Variants in B3GALT1 observed in about 807,000 individuals in gnomAD.
B3GALT1 encodes beta-1,3-galactosyltransferase 1.
A neutral mutation model predicts 23.2 loss-of-function variants in B3GALT1; 10 were observed. The ratio of observed to expected loss-of-function variants is 0.43; its 90% CI spans 0.27 to 0.73. B3GALT1 has a LOEUF of 0.73. B3GALT1 is among the 30% of genes least tolerant of loss of function. The probability of loss-of-function intolerance (pLI) is 0.21; values close to 1 mark genes in which losing one functional copy is unlikely to be tolerated. For synonymous variants in B3GALT1, 156 were observed against 141.5 expected, an observed-to-expected ratio of 1.10 and a Z score of -0.73; for missense variants, 299 against 405.4, an observed-to-expected ratio of 0.74 and a Z score of 2.25.
At position 167,416,668 on chromosome 2, in the gene B3GALT1, A is replaced by G. The variant is rs151232449; in HGVS notation, c.-510-73509A>G. The stretch of plus-strand genomic sequence containing the variant: ...GTAGCAAGCAACATCTGCCTGGGAA[A>G]GCTTTAGACACTGGATTTCTACCTG... On this transcript the variant is annotated intron_variant, in intron 1 of 4. Coordinates refer to ENST00000392690, the MANE Select transcript of B3GALT1 (RefSeq NM_020981.4). Among the ~76,000 whole-genome samples the G allele has an allele frequency of 3.5e-3, 536 of 152,286 alleles. 7 individuals are homozygous for G. The highest frequency in any genetic ancestry group is 0.012 in the African/African-American group (517 of 41,558).
intron 1 of B3GALT1, among the ~76,000 whole-genome samples, chr2:167,347,991 C>T (rs1255812536): frequency 6.6e-6 from 1 of 152,024 alleles, no homozygotes; most frequent in African/African-American, 2.4e-5. Context: ...CCTGTGTTAC[C>T]ACCCCATGTC....
intron 2 of B3GALT1, among the ~76,000 whole-genome samples, chr2:167,535,149 G>C (rs1013346201): frequency 6.6e-6 from 1 of 152,166 alleles, no homozygotes; most frequent in African/African-American, 2.4e-5. Context: ...GGTTATCTTA[G>C]AGTAAGTCAT....
At chr2:167,590,074 C>T (rs1159935848) in intron 2 of B3GALT1, among the ~76,000 whole-genome samples, 2 of 152,088 alleles carry the variant, frequency 1.3e-5, no homozygotes, top group East Asian at 1.9e-4. Flanking sequence ...GGGCCAGGCG[C>T]GGTGACTCAC....
At chr2:167,701,293 A>G (rs966114387) in intron 3 of B3GALT1, among the ~76,000 whole-genome samples, 14 of 151,648 alleles carry the variant, frequency 9.2e-5, no homozygotes, top group African/African-American at 3.4e-4. Context: ...GGGCGTGACC[A>G]CCAGATATGG....
chr2:167,848,966 T>C (rs559975086), intron 4 of B3GALT1, among the ~76,000 whole-genome samples: 1 of 152,142 alleles, frequency 6.6e-6, no homozygotes, highest in African/African-American at 2.4e-5. Context: ...AATCAAGAAC[T>C]CAACCCCTTT....
chr2:167,430,480 T>C (rs1698690372), intron 1 of B3GALT1, among the ~76,000 whole-genome samples: 1 of 151,972 alleles, frequency 6.6e-6, no homozygotes, highest in African/African-American at 2.4e-5. Flanking sequence ...TGCAGAAGAG[T>C]CAAAGGAAAT....
intron 2 of B3GALT1, among the ~76,000 whole-genome samples, chr2:167,617,507 A>G (rs1024974875): frequency 6.6e-6 from 1 of 152,080 alleles, no homozygotes; most frequent in Non-Finnish European, 1.5e-5. Context: ...TTAGGGTTCT[A>G]TTAGAAGTGA....
intron 1 of B3GALT1, among the ~76,000 whole-genome samples, chr2:167,328,839 C>T (rs937468322): frequency 2.6e-5 from 4 of 151,900 alleles, no homozygotes; most frequent in Non-Finnish European, 4.4e-5. Flanking sequence ...TTTTTAACCA[C>T]GTCTCACTTG....
At chr2:167,610,907 G>GGA in intron 2 of B3GALT1, among the ~76,000 whole-genome samples, 1 of 15,292 alleles carries the variant, frequency 6.5e-5, no homozygotes. Flanking sequence ...TGGTTTATTT[G>GGA]TACAAAAAAA....
chr2:167,441,421 C>G (rs560801930), intron 1 of B3GALT1, among the ~76,000 whole-genome samples: 1 of 152,146 alleles, frequency 6.6e-6, no homozygotes, highest in Non-Finnish European at 1.5e-5. Context: ...CTCCCAGTCT[C>G]TGCTGCCTCA....
At chr2:167,441,591 A>C (rs1698894422) in intron 1 of B3GALT1, among the ~76,000 whole-genome samples, 1 of 152,012 alleles carries the variant, frequency 6.6e-6, no homozygotes, top group African/African-American at 2.4e-5. Context: ...ATTTGATAGC[A>C]CTCTTCCTTA....
Position 167,680,219 on chromosome 2 carries a change from G to A in B3GALT1, c.-352+33253G>A, listed in dbSNP as rs147943324. The stretch of plus-strand genomic sequence containing the variant: ...AGAAAGTTAAACCTTTGCTTCAGAT[G>A]CACGGAAGAGATTTATAAATATGCA... On this transcript the variant is annotated intron_variant, in intron 3 of 4. Coordinates refer to ENST00000392690, the MANE Select transcript of B3GALT1 (RefSeq NM_020981.4). 4.4e-3 allele frequency among the ~76,000 whole-genome samples: 664 copies of A among 152,270 alleles called. 4 individuals carry two copies. Among genetic ancestry groups the A allele is most frequent in the African/African-American group, 0.015 (634 of 41,540 alleles).
intron 2 of B3GALT1, among the ~76,000 whole-genome samples, chr2:167,577,863 A>T (rs1214620252): frequency 6.6e-6 from 1 of 151,958 alleles, no homozygotes; most frequent in Non-Finnish European, 1.5e-5. Flanking sequence ...TTTACTGAAA[A>T]AAAAAGTTAA....
intron 2 of B3GALT1, among the ~76,000 whole-genome samples, chr2:167,564,679 A>C (rs998609746): frequency 6.6e-6 from 1 of 152,236 alleles, no homozygotes; most frequent in Non-Finnish European, 1.5e-5. Context: ...CGGCCAACAC[A>C]GCGAATCCAA....
At chr2:167,593,501 A>G (rs1310223041) in intron 2 of B3GALT1, among the ~76,000 whole-genome samples, 3 of 152,264 alleles carry the variant, frequency 2.0e-5, no homozygotes, top group Non-Finnish European at 4.4e-5. Context: ...CAGTGGTTAC[A>G]GGGAATGGGC....
chr2:167,693,964 G>T (rs149034597), intron 3 of B3GALT1, among the ~76,000 whole-genome samples: 1 of 152,228 alleles, frequency 6.6e-6, no homozygotes, highest in South Asian at 2.1e-4. Flanking sequence ...GTTGTCTGGG[G>T]TTCCTTATGC....
chr2:167,663,516 G>C (rs1416830402), intron 3 of B3GALT1, among the ~76,000 whole-genome samples: 8 of 152,010 alleles, frequency 5.3e-5, no homozygotes, highest in Non-Finnish European at 1.2e-4. Context: ...TCTAGTTCTA[G>C]ATCCCTGAGG....
chr2:167,307,935 A>C (rs951737084), intron 1 of B3GALT1, among the ~76,000 whole-genome samples: 2 of 150,556 alleles, frequency 1.3e-5, no homozygotes, highest in African/African-American at 2.4e-5. Flanking sequence ...TGTTGAGTCC[A>C]TGATTAGGAG....
chr2:167,721,102 C>A (rs192531736), intron 3 of B3GALT1, among the ~76,000 whole-genome samples: 5 of 152,108 alleles, frequency 3.3e-5, no homozygotes. Flanking sequence ...TCTTTCTCTT[C>A]TCTCTCTCAT....
Sources: allele counts gnomAD v4.1 joint callset (sites outside exome capture counted in the v4.1 genomes callset), GRCh38; gene constraint gnomAD v4.1.1; transcripts MANE v1.5; gene names NCBI Gene and HGNC (gene_info 2026-07-23, HGNC 2026-07-21).